CCDC42: variants seen among roughly 807,000 people sequenced by gnomAD.
CCDC42 encodes the protein coiled-coil domain containing 42.
Under a neutral mutation model 40.8 loss-of-function variants are expected in CCDC42, and 38 were observed. That is an observed-to-expected ratio of 0.93 (90% CI 0.72 to 1.22). The LOEUF (loss-of-function observed/expected upper bound fraction) is 1.22. Among genes scored for constraint, CCDC42 ranks in the 50% most tolerant of loss-of-function variants. CCDC42 has a pLI of 0.00. For synonymous variants in CCDC42, 135 were observed against 157.5 expected (o/e 0.86, Z 1.07); for missense variants, 379 against 416.5 (o/e 0.91, Z 0.78).
intron 6 of CCDC42, among the ~76,000 whole-genome samples, chr17:8,733,033 C>T (rs1275577708): frequency 1.3e-5 from 2 of 152,018 alleles, no homozygotes; most frequent in Non-Finnish European, 2.9e-5. Context: ...TCAATGAAGC[C>T]TCATCGAGAA....
At chr17:8,739,958 G>A (rs17808525) in intron 4 of CCDC42, among the ~76,000 whole-genome samples, 4,094 of 152,268 alleles carry the variant, frequency 0.027, 181 homozygotes, top group Admixed American at 0.12. Context: ...GCACCTTTGA[G>A]TGGAGGAAAT....
chr17:8,732,231 G>A (rs1341688895), intron 6 of CCDC42, among the ~76,000 whole-genome samples: 5 of 147,538 alleles, frequency 3.4e-5, no homozygotes, highest in African/African-American at 7.5e-5. Context: ...CCTGGGAGGC[G>A]GAGCTTGCAG....
At position 8,744,070 on chromosome 17, in the gene CCDC42, A is replaced by G; in HGVS notation, c.189+9T>C. On this transcript the variant is annotated intron_variant, in intron 2 of 6. Transcript: ENST00000293845. ...CCTGCCCCTCTGCACTCCATCCCTG[A>G]GTCCCCACCTTCTTCTTCTGCACCA... 1.2e-6 allele frequency: 2 copies of G among 1,600,190 alleles called. No homozygotes were observed. The highest frequency in any genetic ancestry group is 1.7e-6 in the Non-Finnish European group (2 of 1,169,678).
intron 6 of CCDC42, among the ~76,000 whole-genome samples, chr17:8,731,078 C>T (rs936781649): frequency 3.9e-5 from 6 of 152,144 alleles, no homozygotes; most frequent in African/African-American, 7.2e-5. Flanking sequence ...GGGCCCCCGT[C>T]GCAGGTCTGG....
At chr17:8,739,822 C>T (rs2086630927) in intron 4 of CCDC42, among the ~76,000 whole-genome samples, 1 of 152,186 alleles carries the variant, frequency 6.6e-6, no homozygotes, top group African/African-American at 2.4e-5. Context: ...GGATTACAGG[C>T]GTGAGCCACC....
In CCDC42 at chr17:8,744,183, T is replaced by G; in HGVS notation, c.85A>C (p.Lys29Gln). 6.2e-7 allele frequency: 1 copy of G among 1,612,248 alleles called. No individual in the cohort carries two copies. Among genetic ancestry groups the G allele is most frequent in the Non-Finnish European group, 8.5e-7 (1 of 1,178,774 alleles). ...YGERLLQMLQ[K>Q]LPNVEGASES... ...GACGCCCCCTCAACATTGGGGAGTT[T>G]CCTGTCCAAGATGTGAACGCGAGAG... The change falls in exon 2 of 7, where the codon AAA (lysine) becomes CAA (glutamine). Residue 29 changes from lysine to glutamine, a missense_variant and splice_region_variant. Transcript: ENST00000293845.
chr17:8,740,131 C>T (rs2086632972), intron 4 of CCDC42, among the ~76,000 whole-genome samples: 1 of 152,246 alleles, frequency 6.6e-6, no homozygotes, highest in African/African-American at 2.4e-5. Flanking sequence ...AGGGGATCTT[C>T]TGGCTGTTGG....
At chr17:8,732,298 CAAAAAAAAAAAAA>C (rs58310263) in intron 6 of CCDC42, among the ~76,000 whole-genome samples, 1 of 71,568 alleles carries the variant, frequency 1.4e-5, no homozygotes, top group Non-Finnish European at 2.7e-5. Context: ...GACTCCGTCT[CAAAAAAAAAAAAA>C]AAAAAAAAAA....
At position 8,744,173 on chromosome 17, in the gene CCDC42, T is replaced by C. The variant is rs2086663459; in HGVS notation, c.95A>G (p.Asn32Ser). 6.2e-6 allele frequency: 10 copies of C among 1,613,346 alleles called. No individual in the cohort carries two copies. The highest frequency in any genetic ancestry group is 1.1e-5 in the South Asian group (1 of 90,968). ...TGGGGACTCCGACGCCCCCTCAACATTGGGGAGTTTCCTGTCCAAGATGTG... is the reference window on the plus strand; with the variant it reads ...TGGGGACTCCGACGCCCCCTCAACACTGGGGAGTTTCCTGTCCAAGATGTG... ...RLLQMLQKLP[N>S]VEGASESPSI... The change falls in exon 2 of 7, where the codon AAT becomes AGT. Residue 32 changes from asparagine to serine, a missense_variant. Asn to Ser is a conservative substitution (Grantham distance 46, BLOSUM62 1). Transcript: ENST00000293845.
chr17:8,744,045 C>T (rs2151141195), intron 2 of CCDC42, 34 bp downstream of exon 2: 33 of 1,224,438 alleles, frequency 2.7e-5, no homozygotes, highest in Admixed American at 1.1e-4. Flanking sequence ...CCCTTCCTTT[C>T]CTGCCCCTCT....
intron 6 of CCDC42, among the ~76,000 whole-genome samples, chr17:8,732,251 A>T (rs1211202792): frequency 1.4e-5 from 2 of 144,728 alleles, no homozygotes; most frequent in Non-Finnish European, 3.0e-5. Context: ...GTGAGCCGAG[A>T]TCACACCACT....
At chr17:8,733,039 G>A (rs1356082941) in intron 6 of CCDC42, among the ~76,000 whole-genome samples, 1 of 152,092 alleles carries the variant, frequency 6.6e-6, no homozygotes, top group East Asian at 1.9e-4. Context: ...AAGCCTCATC[G>A]AGAAATTTCA....
At chr17:8,742,815 C>G (rs1257178599) in intron 3 of CCDC42, among the ~76,000 whole-genome samples, 1 of 152,248 alleles carries the variant, frequency 6.6e-6, no homozygotes, top group East Asian at 1.9e-4. Context: ...GTATTTGTAG[C>G]AAACTCTCTG....
intron 3 of CCDC42, among the ~76,000 whole-genome samples, chr17:8,742,542 T>C (rs1286525941): frequency 6.6e-6 from 1 of 152,226 alleles, no homozygotes; most frequent in Admixed American, 6.5e-5. Context: ...CCTCGCCCTG[T>C]GTGGCTCCTT....
At chr17:8,732,982 T>C (rs1330690653) in intron 6 of CCDC42, among the ~76,000 whole-genome samples, 5 of 152,202 alleles carry the variant, frequency 3.3e-5, no homozygotes, top group Admixed American at 2.0e-4. Flanking sequence ...AGTGCCTGCA[T>C]TGGTTGCAGG....
At chr17:8,732,984 G>A (rs1461130716) in intron 6 of CCDC42, among the ~76,000 whole-genome samples, 1 of 152,154 alleles carries the variant, frequency 6.6e-6, no homozygotes, top group African/African-American at 2.4e-5. Flanking sequence ...TGCCTGCATT[G>A]GTTGCAGGGA....
intron 6 of CCDC42, among the ~76,000 whole-genome samples, chr17:8,732,311 A>C (rs549926956): frequency 7.4e-5 from 11 of 148,264 alleles, no homozygotes; most frequent in South Asian, 2.1e-4. Flanking sequence ...AAAAAAAAAA[A>C]AAAAAAAAAA....
Position 8,744,593 on chromosome 17 carries a change from A to G in CCDC42, c.17T>C (p.Met6Thr), listed in dbSNP as rs2086667164. MSLGIMEEEDLAEYFR... is the reference protein window; with the variant it reads MSLGITEEEDLAEYFR... ...GTACTCGGCCAGGTCTTCCTCTTCC[A>G]TGATGCCCAGACTCATGGTGGCAGT... The change falls in exon 1 of 7, where the codon ATG (methionine) becomes ACG (threonine). Residue 6 changes from methionine (M) to threonine (T), a missense_variant. Met to Thr is a moderately conservative substitution (Grantham distance 81). Coordinates refer to ENST00000293845, the MANE Select transcript of CCDC42 (RefSeq NM_144681.3). 2 of 1,612,542 alleles carry G rather than the reference A, an allele frequency of 1.2e-6. No homozygotes were observed. Among genetic ancestry groups the G allele is most frequent in the Non-Finnish European group, 1.7e-6 (2 of 1,179,834 alleles).
chr17:8,743,085 C>T (rs1048764248), intron 3 of CCDC42, among the ~76,000 whole-genome samples: 1 of 152,198 alleles, frequency 6.6e-6, no homozygotes, highest in Admixed American at 6.5e-5. Context: ...TTCAGGGCTG[C>T]GTAAGTGCTA....
Sources: allele counts gnomAD v4.1 joint callset (sites outside exome capture counted in the v4.1 genomes callset), GRCh38; gene constraint gnomAD v4.1.1; transcripts MANE v1.5; gene names NCBI Gene and HGNC (gene_info 2026-07-23, HGNC 2026-07-21).